Variants in RAET1E observed in about 807,000 individuals in gnomAD.
The protein encoded by RAET1E is NKG2D ligand 4.
Under a neutral mutation model 21.1 loss-of-function variants are expected in RAET1E, and 27 were observed. The observed-to-expected ratio is 1.28, with a 90% CI of 0.94 to 1.76. The LOEUF is 1.76. Ranked by LOEUF, RAET1E falls within the 40% of genes most tolerant of loss-of-function variation. RAET1E has a pLI of 0.00. For missense variants in RAET1E, 310 were observed against 311.3 expected, an observed-to-expected ratio of 1.00 and a Z score of 0.03; for synonymous variants, 113 against 115.0, an observed-to-expected ratio of 0.98 and a Z score of 0.11.
rs1000729489 is a variant in RAET1E, at chr6:149,886,592, G to A, written c.*1906C>T. 2.0e-5 allele frequency among the ~76,000 whole-genome samples: 3 copies of A among 152,050 alleles called. No homozygotes were observed. Among genetic ancestry groups the A allele is most frequent in the Admixed American group, 6.5e-5 (1 of 15,274 alleles). ...GTATTTTTAGTAGAGACAGGGTTTC[G>A]CCATGTTGGCCAGGCTGGTCTCGAA... is the stretch of plus-strand genomic sequence containing the variant. On this transcript the variant is annotated 3_prime_UTR_variant, in exon 6 of 6. Coordinates refer to ENST00000357183, the MANE Select transcript of RAET1E (RefSeq NM_001394057.1).
In RAET1E at chr6:149,883,581, C is replaced by T. The variant is rs1777487371; in HGVS notation, c.*4917G>A. On this transcript the variant is annotated 3_prime_UTR_variant, in exon 6 of 6. Coordinates refer to ENST00000357183, the MANE Select transcript of RAET1E (RefSeq NM_001394057.1). ...GCGTGGTGGCTCATGCCTGTAATCC[C>T]AGCTACTCAGGAGGCTGAGGCAGGG... 1 of 152,304 alleles carries T rather than the reference C, an allele frequency of 6.6e-6. No homozygotes were observed. Among genetic ancestry groups the T allele is most frequent in the Non-Finnish European group, 1.5e-5 (1 of 68,180 alleles). 9.4% of individuals were successfully genotyped at this position (152,304 alleles called of 1,614,324 possible). A position where few individuals can be genotyped will look rare whatever the true frequency, so the allele number is the denominator to read the frequency against.
At position 149,883,184 on chromosome 6, in the gene RAET1E, T is replaced by G. The variant is rs1256696647; in HGVS notation, c.*5314A>C. Among the ~76,000 whole-genome samples the G allele has an allele frequency of 6.6e-6, 1 of 152,042 alleles. No homozygotes were observed. Among genetic ancestry groups the G allele is most frequent in the Non-Finnish European group, 1.5e-5 (1 of 68,002 alleles). ...TAGAAGGGATAGTCTGAAAACAGAG[T>G]TGCAAATAAGTTTATAATTTGTAAA... On this transcript the variant is annotated 3_prime_UTR_variant, in exon 6 of 6. Transcript: ENST00000357183.
rs759394836 is a variant in RAET1E, at chr6:149,890,052, A to C, written c.179T>G (p.Leu60Arg). 6 of 1,613,994 alleles carry C rather than the reference A, an allele frequency of 3.7e-6. No individual in the cohort carries two copies. The change falls in exon 4 of 6, where the codon CTT becomes CGT. Residue 60 changes from leucine to arginine, a missense_variant. Physicochemically the swap from Leu to Arg is moderately radical, Grantham distance 102 (BLOSUM62 -2). Transcript: ENST00000357183. ...GTTGTCACTGTTGTACTGAAGGAAA[A>C]GATTTTTATTCAAGAAGACCTGCGC... is the stretch of plus-strand genomic sequence containing the variant. ...CEAQVFLNKN[L>R]FLQYNSDNNM...
At position 149,889,124 on chromosome 6, in the gene RAET1E, T is replaced by C. The variant is rs1268279244; in HGVS notation, c.622+224A>G. ...GCAGTGGGTCATTGTGACTGGATCA[T>C]TGGTTAATGGGAAGGGGTTTCTACA... On this transcript the variant is annotated intron_variant, in intron 5 of 5. Transcript: ENST00000357183. The C allele has an allele frequency of 3.5e-6, 5 of 1,427,842 alleles. No individual in the cohort carries two copies. In the East Asian group the frequency reaches 1.3e-4, roughly 36 times the overall value. The allele number at this position is 1,427,842 out of a possible 1,614,324, so 88.4% of individuals were successfully genotyped here.
chr6:149,884,366 C>G lies in RAET1E; in HGVS notation c.*4132G>C. The stretch of plus-strand genomic sequence containing the variant: ...TTGCCAAGACTGGAATGCAGAGGCG[C>G]GATCTCCGCTCATTGCAGGCTCCGC... On this transcript the variant is annotated 3_prime_UTR_variant, in exon 6 of 6. Coordinates refer to ENST00000357183, the MANE Select transcript of RAET1E (RefSeq NM_001394057.1). The G allele has an allele frequency of 1.1e-6, 1 of 926,930 alleles. No individual in the cohort carries two copies. Among genetic ancestry groups the G allele is most frequent in the Non-Finnish European group, 1.7e-6 (1 of 599,176 alleles). The allele number at this position is 926,930 out of a possible 1,614,324, so 57.4% of individuals were successfully genotyped here.
At chr6:149,892,942 A>G (rs1053710421) in intron 2 of RAET1E, among the ~76,000 whole-genome samples, 7 of 152,086 alleles carry the variant, frequency 4.6e-5, no homozygotes, top group Non-Finnish European at 7.4e-5. Context: ...AGTTTTCCCA[A>G]CACCATTTAT....
intron 5 of RAET1E, 43 bp downstream of exon 5, chr6:149,889,305 C>T: frequency 6.2e-7 from 1 of 1,608,160 alleles, no homozygotes; most frequent in Non-Finnish European, 8.5e-7. Context: ...AGGCTTTTGA[C>T]CTTTAAAGGG....
chr6:149,888,922 G>A (rs1028937460), intron 5 of RAET1E, among the ~76,000 whole-genome samples: 3 of 152,262 alleles, frequency 2.0e-5, no homozygotes, highest in Non-Finnish European at 1.5e-5. Context: ...ACAGTTTCAC[G>A]ATTACTGTGG....
chr6:149,893,199 C>T (rs1777981021), intron 2 of RAET1E, among the ~76,000 whole-genome samples: 1 of 152,192 alleles, frequency 6.6e-6, no homozygotes. Context: ...TTTTTGGTTC[C>T]ATATGAAGTT....
At chr6:149,890,233 G>A (rs1777825342) in intron 3 of RAET1E, 88 bp from the exon 4 acceptor site, 4 of 1,469,658 alleles carry the variant, frequency 2.7e-6, no homozygotes, top group Non-Finnish European at 2.8e-6. Flanking sequence ...TCCCTGGACT[G>A]GGCCAGGCTA....
chr6:149,885,013 C>T lies in RAET1E; in HGVS notation c.*3485G>A, dbSNP rs992494936. 1.3e-5 allele frequency among the ~76,000 whole-genome samples: 2 copies of T among 152,164 alleles called. No homozygotes were observed. The highest frequency in any genetic ancestry group is 4.8e-5 in the African/African-American group (2 of 41,450). On this transcript the variant is annotated 3_prime_UTR_variant, in exon 6 of 6. Transcript: ENST00000357183. ...TCTCCCACGGTCTGTGTGGCCCTGC[C>T]TCCAGCCTGCTTTGTTGGAGCCCAG...
chr6:149,895,598 A>G (rs1210427844), intron 2 of RAET1E: 6 of 152,382 alleles, frequency 3.9e-5, no homozygotes, highest in Non-Finnish European at 5.9e-5. Context: ...AGGAAAGCCA[A>G]GTCTATCATT....
rs554019254 is a variant in RAET1E at position 149,886,797 on chromosome 6, A to G, written c.*1701T>C. Among the ~76,000 whole-genome samples the G allele has an allele frequency of 2.0e-5, 3 of 152,308 alleles. No individual in the cohort carries two copies. Among genetic ancestry groups the G allele is most frequent in the Admixed American group, 6.5e-5 (1 of 15,306 alleles). ...CCCTTTGCTCTGTCATTTAGCTTTG[A>G]TCAGCTTTTTCTCTCTTCTGTCACT... On this transcript the variant is annotated 3_prime_UTR_variant, in exon 6 of 6. Coordinates refer to ENST00000357183, the MANE Select transcript of RAET1E (RefSeq NM_001394057.1).
At chr6:149,891,754 G>A in intron 2 of RAET1E, among the ~76,000 whole-genome samples, 1 of 152,102 alleles carries the variant, frequency 6.6e-6, no homozygotes, top group East Asian at 1.9e-4. Context: ...TATACTTTAA[G>A]TTTTGGGTTA....
At position 149,889,420 on chromosome 6, in the gene RAET1E, G is replaced by T. The variant is rs749035102; in HGVS notation, c.550C>A (p.Leu184Ile). Residue 184 changes from leucine (L) to isoleucine (I), a missense_variant, in exon 5 of 6, where the codon CTC becomes ATC. Physicochemically the swap from Leu to Ile is conservative, Grantham distance 5. Coordinates refer to ENST00000357183, the MANE Select transcript of RAET1E (RefSeq NM_001394057.1). ...CAGTGATCGCAGTCTCCCTTTGAGA[G>T]CTTCCTGAAATACTTTTCCAGCCCT... Reference protein sequence around the residue: ...DRGLEKYFRKLSKGDCDHWLR... With the variant: ...DRGLEKYFRKISKGDCDHWLR... 3.1e-6 allele frequency: 5 copies of T among 1,614,066 alleles called. No homozygotes were observed. The highest frequency in any genetic ancestry group is 1.3e-5 in the African/African-American group (1 of 74,920).
At position 149,886,983 on chromosome 6, in the gene RAET1E, T is replaced by TC. The variant is rs925793215; in HGVS notation, c.*1514dup. Among the ~76,000 whole-genome samples the TC allele has an allele frequency of 6.6e-6, 1 of 152,122 alleles. No individual in the cohort carries two copies. The highest frequency in any genetic ancestry group is 2.1e-4 in the South Asian group (1 of 4,820). ...CCAAAGGGTGGCAGATATATTTTTT[T>TC]CCCCTTGAATTGTAATACACCTTTC... On this transcript the variant is annotated 3_prime_UTR_variant, in exon 6 of 6. Coordinates refer to ENST00000357183, the MANE Select transcript of RAET1E (RefSeq NM_001394057.1).
intron 1 of RAET1E, among the ~76,000 whole-genome samples, chr6:149,897,272 C>T (rs886338996): frequency 2.5e-4 from 38 of 152,230 alleles, no homozygotes; most frequent in Admixed American, 2.2e-3. Flanking sequence ...TGGGCTCAAA[C>T]AATCCTCCCC....
At chr6:149,891,484 T>TTGTGTGTGTGTGTGTGTGTGTG (rs58899076) in intron 2 of RAET1E, among the ~76,000 whole-genome samples, 6 of 149,800 alleles carry the variant, frequency 4.0e-5, no homozygotes, top group African/African-American at 1.5e-4. Flanking sequence ...CAGATGGGTT[T>TTGTGTGTGTGTGTGTGTGTGTG]TGTGTGTGTG....
chr6:149,888,808 C>G, intron 5 of RAET1E, 141 bp from the exon 6 acceptor site: 1 of 1,282,220 alleles, frequency 7.8e-7, no homozygotes, highest in Non-Finnish European at 1.0e-6. Context: ...GTGACAGCCA[C>G]TCTACCAGGC....
Sources: gnomAD v4.1 joint callset for allele counts (sites outside exome capture counted in the v4.1 genomes callset) on GRCh38, gnomAD v4.1.1 for gene constraint, MANE v1.5 for transcripts, NCBI Gene and HGNC (gene_info 2026-07-23, HGNC 2026-07-21) for gene names.